The following NEMP2 variants were observed in gnomAD, a reference collection of about 807,000 sequenced individuals.
NEMP2 encodes UPF0571 transmembrane protein.
NEMP2 carries 53 observed loss-of-function variants against 54.2 expected under a neutral mutation model. The ratio of observed to expected loss-of-function variants is 0.98; its 90% CI spans 0.78 to 1.23. The LOEUF (loss-of-function observed/expected upper bound fraction) is 1.23, where lower values mean the gene tolerates loss of function less well. Ranked by LOEUF, NEMP2 falls within the 50% of genes most tolerant of loss-of-function variation. The pLI, the probability that NEMP2 is intolerant of heterozygous loss-of-function variation, is 0.00. For synonymous variants in NEMP2, 197 were observed against 190.3 expected (o/e 1.04, Z -0.29); for missense variants, 455 against 511.3 (o/e 0.89, Z 1.06).
chr2:190,631,532 A>C, the NEMP2 span, among the ~76,000 whole-genome samples: 1 of 152,220 alleles, frequency 6.6e-6, no homozygotes, highest in Non-Finnish European at 1.5e-5. Context: ...TTATATTTTA[A>C]AGCTAATTTG....
chr2:190,598,145 T>C, the NEMP2 span, among the ~76,000 whole-genome samples: 1 of 152,066 alleles, frequency 6.6e-6, no homozygotes, highest in African/African-American at 2.4e-5. Flanking sequence ...ACAACCCCCA[T>C]AGGACAAACA....
chr2:190,548,922 C>T, the NEMP2 span, among the ~76,000 whole-genome samples: 3 of 152,192 alleles, frequency 2.0e-5, no homozygotes, highest in East Asian at 3.8e-4. Context: ...ATAATAATCA[C>T]TTTCATGTGT....
At chr2:190,632,095 A>T in the NEMP2 span, among the ~76,000 whole-genome samples, 1 of 152,158 alleles carries the variant, frequency 6.6e-6, no homozygotes, top group Non-Finnish European at 1.5e-5. This position sits in a 1 kb window ranked among gnomAD's most constrained non-coding sequence, Gnocchi z 4.8. Flanking sequence ...AGAAAAAGAC[A>T]CTATGGTCTT....
chr2:190,471,656 C>T, the NEMP2 span, among the ~76,000 whole-genome samples: 1 of 152,236 alleles, frequency 6.6e-6, no homozygotes, highest in Non-Finnish European at 1.5e-5. This position sits in a 1 kb window ranked among gnomAD's most constrained non-coding sequence, Gnocchi z 4.7. Flanking sequence ...CAGTAAACTC[C>T]ACCTCTGGGG....
At chr2:190,457,483 C>T in the NEMP2 span, among the ~76,000 whole-genome samples, 3 of 152,182 alleles carry the variant, frequency 2.0e-5, no homozygotes, top group African/African-American at 7.2e-5. This position sits in a 1 kb window ranked among gnomAD's most constrained non-coding sequence, Gnocchi z 5.1. Flanking sequence ...GCCATTCAAA[C>T]AGACCATCTA....
chr2:190,576,635 G>A, the NEMP2 span, among the ~76,000 whole-genome samples: 1 of 151,072 alleles, frequency 6.6e-6, no homozygotes, highest in Admixed American at 6.6e-5. Context: ...GGTGGGGCGG[G>A]GGGGGATCTG....
chr2:190,629,990 G>C, the NEMP2 span, among the ~76,000 whole-genome samples: 1 of 152,200 alleles, frequency 6.6e-6, no homozygotes, highest in East Asian at 1.9e-4. Flanking sequence ...AGGGGGATGT[G>C]CTTCAGTCAA....
At chr2:190,637,166 A>G in the NEMP2 span, among the ~76,000 whole-genome samples, 1 of 152,222 alleles carries the variant, frequency 6.6e-6, no homozygotes, top group Non-Finnish European at 1.5e-5. This position sits in a 1 kb window ranked among gnomAD's most constrained non-coding sequence, Gnocchi z 4.5. Context: ...ACAATTGAGA[A>G]GTATAGTGTA....
At chr2:190,549,158 C>T in the NEMP2 span, among the ~76,000 whole-genome samples, 1 of 152,212 alleles carries the variant, frequency 6.6e-6, no homozygotes, top group Non-Finnish European at 1.5e-5. Context: ...GCATGTGCCT[C>T]TGTTCTCTGT....
the NEMP2 span, among the ~76,000 whole-genome samples, chr2:190,488,403 A>G: frequency 3.9e-3 from 592 of 152,318 alleles, 4 homozygotes; most frequent in African/African-American, 0.014. The surrounding 1 kb of genome is among the most constrained non-coding windows in gnomAD (Gnocchi z 6.4). Flanking sequence ...GTTATGGTTT[A>G]AGGGGTACAG....
In NEMP2 at chr2:190,514,322, A is replaced by G. The variant is rs936260150; in HGVS notation, c.953+131T>C. 6 of 911,784 alleles carry G rather than the reference A, an allele frequency of 6.6e-6. No homozygotes were observed. The highest frequency in any genetic ancestry group is 3.3e-5 in the African/African-American group (2 of 60,820). 56.5% of individuals were successfully genotyped at this position (911,784 alleles called of 1,614,324 possible). A position where few individuals can be genotyped will look rare whatever the true frequency, so the allele number is the denominator to read the frequency against. On this transcript the variant is annotated intron_variant, in intron 7 of 8. Transcript: ENST00000409150. This position sits in a 1 kb window ranked among gnomAD's most constrained non-coding sequence, Gnocchi z 5.7. ...GGAGCTCTCTACCCCTACACCCCCA[A>G]TCTTGCTCAGAATGAAATCTCCAGA...
At chr2:190,430,960 T>C in the NEMP2 span, among the ~76,000 whole-genome samples, 1 of 141,168 alleles carries the variant, frequency 7.1e-6, no homozygotes, top group Non-Finnish European at 1.5e-5. Flanking sequence ...GGGCGGCTGC[T>C]GGGTGAAGGG....
At chr2:190,465,136 C>A in the NEMP2 span, among the ~76,000 whole-genome samples, 3 of 152,138 alleles carry the variant, frequency 2.0e-5, no homozygotes, top group Admixed American at 6.5e-5. This position sits in a 1 kb window ranked among gnomAD's most constrained non-coding sequence, Gnocchi z 4.6. Context: ...GAATCTGTAA[C>A]AATTTTTTTC....
the NEMP2 span, among the ~76,000 whole-genome samples, chr2:190,453,741 G>T: frequency 6.6e-6 from 1 of 152,216 alleles, no homozygotes; most frequent in Non-Finnish European, 1.5e-5. Context: ...GGGCATTTCT[G>T]TGGGACTGGA....
chr2:190,431,912 T>C, the NEMP2 span, among the ~76,000 whole-genome samples: 1 of 152,220 alleles, frequency 6.6e-6, no homozygotes, highest in Non-Finnish European at 1.5e-5. The surrounding 1 kb of genome is among the most constrained non-coding windows in gnomAD (Gnocchi z 4.4). Flanking sequence ...TATACATTAT[T>C]CTGGTATTGT....
At chr2:190,600,220 T>C in the NEMP2 span, among the ~76,000 whole-genome samples, 1 of 152,188 alleles carries the variant, frequency 6.6e-6, no homozygotes, top group Non-Finnish European at 1.5e-5. The surrounding 1 kb of genome is among the most constrained non-coding windows in gnomAD (Gnocchi z 4.9). Flanking sequence ...TTTCTAACTC[T>C]CATTGCTTGA....
At chr2:190,465,641 T>C in the NEMP2 span, among the ~76,000 whole-genome samples, 1 of 152,146 alleles carries the variant, frequency 6.6e-6, no homozygotes, top group South Asian at 2.1e-4. This position sits in a 1 kb window ranked among gnomAD's most constrained non-coding sequence, Gnocchi z 4.6. Context: ...TGTATTAGAG[T>C]GAATGTGTTC....
chr2:190,583,011 T>C, the NEMP2 span, among the ~76,000 whole-genome samples: 2 of 152,180 alleles, frequency 1.3e-5, no homozygotes, highest in African/African-American at 4.8e-5. Flanking sequence ...AACTATCTCA[T>C]GAATGCTGCT....
chr2:190,421,737 T>TAAAA, the NEMP2 span, among the ~76,000 whole-genome samples: 2 of 138,472 alleles, frequency 1.4e-5, no homozygotes, highest in South Asian at 4.6e-4. Context: ...AAAAAAAAAT[T>TAAAA]TTTTTTAAAG....
Sources: allele counts gnomAD v4.1 joint callset (sites outside exome capture counted in the v4.1 genomes callset), GRCh38; gene constraint gnomAD v4.1.1; non-coding constraint Gnocchi (gnomAD v3.1); transcripts MANE v1.5; gene names NCBI Gene and HGNC (gene_info 2026-07-23, HGNC 2026-07-21).